Variants in GALNTL6 observed in about 807,000 individuals in gnomAD.
The protein encoded by GALNTL6 is polypeptide N-acetylgalactosaminyltransferase-like 6.
GALNTL6 carries 46 observed loss-of-function variants against 73.7 expected under a neutral mutation model. That is an observed-to-expected ratio of 0.62 (90% CI 0.49 to 0.80). The LOEUF (loss-of-function observed/expected upper bound fraction) is 0.80, where lower values mean the gene tolerates loss of function less well. Ranked by LOEUF, GALNTL6 falls within the 30% of genes least tolerant of loss-of-function variation. GALNTL6 has a pLI of 0.00. For synonymous variants in GALNTL6, 259 were observed against 263.7 expected, an observed-to-expected ratio of 0.98 and a Z score of 0.17; for missense variants, 604 against 755.0, an observed-to-expected ratio of 0.80 and a Z score of 2.34.
intron 2 of GALNTL6, among the ~76,000 whole-genome samples, chr4:172,155,561 A>G (rs568558787): frequency 6.6e-6 from 1 of 152,310 alleles, no homozygotes; most frequent in Admixed American, 6.5e-5. Context: ...TCTACAGCAT[A>G]TTTTCTACCA....
At chr4:172,608,729 C>A (rs1738404506) in intron 5 of GALNTL6, among the ~76,000 whole-genome samples, 1 of 151,870 alleles carries the variant, frequency 6.6e-6, no homozygotes. Flanking sequence ...TTGCTTTGGG[C>A]CTTGAGGCCA....
chr4:172,581,310 T>C (rs7696322), intron 5 of GALNTL6, among the ~76,000 whole-genome samples: 72,679 of 152,078 alleles, frequency 0.48, 19,038 homozygotes, highest in East Asian at 0.67. Flanking sequence ...TCTGCCTTGA[T>C]GGAGTCATTT....
intron 5 of GALNTL6, among the ~76,000 whole-genome samples, chr4:172,481,369 G>GACGT (rs199948553): frequency 1.3e-5 from 2 of 152,072 alleles, no homozygotes; most frequent in East Asian, 3.9e-4. Context: ...GCACCAGCAA[G>GACGT]ACGTATTGCA....
intron 2 of GALNTL6, among the ~76,000 whole-genome samples, chr4:171,998,887 G>C (rs2110754223): frequency 6.6e-6 from 1 of 152,236 alleles, no homozygotes; most frequent in Non-Finnish European, 1.5e-5. Flanking sequence ...CCGATCCTTA[G>C]TGATTCTGTC....
At chr4:172,182,180 TA>T (rs1735268499) in intron 2 of GALNTL6, among the ~76,000 whole-genome samples, 1 of 152,116 alleles carries the variant, frequency 6.6e-6, no homozygotes, top group Non-Finnish European at 1.5e-5. Flanking sequence ...GGGAATAAAA[TA>T]TCTGGGAATC....
chr4:172,382,728 G>A (rs1292752855), intron 5 of GALNTL6, among the ~76,000 whole-genome samples: 4 of 151,902 alleles, frequency 2.6e-5, no homozygotes, highest in African/African-American at 9.7e-5. Context: ...TGTAATTTTG[G>A]CTTTTACACT....
chr4:172,050,259 C>A (rs111850358), intron 2 of GALNTL6, among the ~76,000 whole-genome samples: 2 of 152,024 alleles, frequency 1.3e-5, no homozygotes, highest in South Asian at 2.1e-4. Context: ...GAGAATCAGG[C>A]GGTTCAGGCT....
intron 5 of GALNTL6, among the ~76,000 whole-genome samples, chr4:172,382,965 A>G (rs778869367): frequency 7.2e-5 from 11 of 152,092 alleles, no homozygotes; most frequent in Admixed American, 2.6e-4. Flanking sequence ...AATGTAAGCT[A>G]TATTTCTGGA....
Position 171,856,628 on chromosome 4 carries a change from T to G in GALNTL6, c.138+41910T>G, listed in dbSNP as rs540839923. On this transcript the variant is annotated intron_variant, in intron 2 of 12. Coordinates refer to ENST00000506823, the MANE Select transcript of GALNTL6 (RefSeq NM_001034845.3). The stretch of plus-strand genomic sequence containing the variant: ...GTAAGGTCTGTCTCAAGTATTTTTT[T>G]CGTTTGCTTTCTTTTGCATATGGAT... Among the ~76,000 whole-genome samples the G allele has an allele frequency of 4.6e-5, 7 of 152,354 alleles. No homozygotes were observed. In the South Asian group the frequency reaches 1.4e-3, roughly 32 times the overall value.
At chr4:172,301,664 C>T (rs888395377) in intron 3 of GALNTL6, among the ~76,000 whole-genome samples, 23 of 152,256 alleles carry the variant, frequency 1.5e-4, no homozygotes, top group Middle Eastern at 3.4e-3. Context: ...GTATCAGCTG[C>T]GGAGGCTGCA....
At chr4:172,499,927 TAATAATTCTTACCATCAG>T (rs889998458) in intron 5 of GALNTL6, among the ~76,000 whole-genome samples, 2 of 152,150 alleles carry the variant, frequency 1.3e-5, no homozygotes, top group African/African-American at 4.8e-5. Flanking sequence ...CCAAAAGAGC[TAATAATTCTTACCATCAG>T]AATAATTCTT....
At chr4:172,251,658 A>T (rs1236030246) in intron 3 of GALNTL6, among the ~76,000 whole-genome samples, 1 of 152,160 alleles carries the variant, frequency 6.6e-6, no homozygotes, top group Non-Finnish European at 1.5e-5. Context: ...ATGACTTCTC[A>T]CCAATTCAGG....
intron 2 of GALNTL6, among the ~76,000 whole-genome samples, chr4:171,881,130 G>A (rs1021896589): frequency 1.3e-5 from 2 of 152,054 alleles, no homozygotes; most frequent in African/African-American, 4.8e-5. Flanking sequence ...AGCCTTGCAA[G>A]CCAAAGAGCC....
chr4:171,859,144 C>G (rs1735766401), intron 2 of GALNTL6, among the ~76,000 whole-genome samples: 2 of 152,160 alleles, frequency 1.3e-5, no homozygotes, highest in Admixed American at 1.3e-4. Context: ...CTGTGTTCCA[C>G]TCATCTTTTC....
At chr4:172,185,182 T>C (rs562250037) in intron 2 of GALNTL6, among the ~76,000 whole-genome samples, 7 of 152,232 alleles carry the variant, frequency 4.6e-5, no homozygotes, top group African/African-American at 1.7e-4. Context: ...GGAATTAAAT[T>C]TGGAGACTCA....
chr4:173,022,863 C>A (rs1753072945), intron 12 of GALNTL6, among the ~76,000 whole-genome samples: 1 of 152,132 alleles, frequency 6.6e-6, no homozygotes, highest in Non-Finnish European at 1.5e-5. Flanking sequence ...CTTTTGACAA[C>A]TTTTTAGAAT....
At chr4:172,806,218 G>T (rs908953084) in intron 5 of GALNTL6, among the ~76,000 whole-genome samples, 3 of 152,052 alleles carry the variant, frequency 2.0e-5, no homozygotes, top group Admixed American at 1.3e-4. Context: ...ATTATCTGAG[G>T]CAGAGCAAGC....
intron 2 of GALNTL6, among the ~76,000 whole-genome samples, chr4:171,912,833 C>T (rs1312680730): frequency 6.6e-6 from 1 of 152,160 alleles, no homozygotes; most frequent in Non-Finnish European, 1.5e-5. Context: ...CTTCACTTAA[C>T]ATAATGATCT....
intron 2 of GALNTL6, among the ~76,000 whole-genome samples, chr4:171,915,679 C>CA (rs1737596713): frequency 6.6e-6 from 1 of 151,958 alleles, no homozygotes; most frequent in South Asian, 2.1e-4. Flanking sequence ...ATTGTTAAAA[C>CA]AAAAAAGCAT....
Sources: allele counts gnomAD v4.1 joint callset (sites outside exome capture counted in the v4.1 genomes callset), GRCh38; gene constraint gnomAD v4.1.1; transcripts MANE v1.5; gene names NCBI Gene and HGNC (gene_info 2026-07-23, HGNC 2026-07-21).